Variants in SDK1 observed in about 807,000 individuals in gnomAD.
The protein encoded by SDK1 is sidekick cell adhesion molecule 1.
Under a neutral mutation model 245.5 loss-of-function variants are expected in SDK1, and 157 were observed. That is an observed-to-expected ratio of 0.64 (90% CI 0.56 to 0.73). The LOEUF is 0.73. SDK1 is among the 30% of genes least tolerant of loss of function. SDK1 has a pLI of 0.00. For synonymous variants in SDK1, 1,647 were observed against 1,278.5 expected, an observed-to-expected ratio of 1.29 and a Z score of -6.15; for missense variants, 3,583 against 3,002.3, an observed-to-expected ratio of 1.19 and a Z score of -4.52.
chr7:4,178,359 T>G (rs1782374160), intron 34 of SDK1, 126 bp from the exon 35 acceptor site: 1 of 732,778 alleles, frequency 1.4e-6, no homozygotes, highest in East Asian at 2.5e-5. Flanking sequence ...TTTCACAGAT[T>G]TCTAACAATC....
intron 1 of SDK1, among the ~76,000 whole-genome samples, chr7:3,575,985 G>C (rs1202595356): frequency 1.3e-5 from 2 of 151,942 alleles, no homozygotes; most frequent in Non-Finnish European, 2.9e-5. Flanking sequence ...TGGGCTTTCT[G>C]CTCTTGTGAA....
intron 4 of SDK1, among the ~76,000 whole-genome samples, chr7:3,711,283 C>T (rs917664370): frequency 2.0e-5 from 3 of 152,140 alleles, no homozygotes; most frequent in Non-Finnish European, 4.4e-5. Context: ...ATTATCTTTG[C>T]TATTAAGGAT....
chr7:3,321,776 T>TC (rs1779814099), intron 1 of SDK1, among the ~76,000 whole-genome samples: 1 of 42,812 alleles, frequency 2.3e-5, no homozygotes, highest in African/African-American at 1.3e-4. Context: ...CCTTCCTTCC[T>TC]TCTCCTTCCT....
At chr7:4,198,362 C>T (rs983566249) in intron 35 of SDK1, among the ~76,000 whole-genome samples, 13 of 152,224 alleles carry the variant, frequency 8.5e-5, no homozygotes, top group African/African-American at 3.1e-4. Context: ...TTGGCTGGGA[C>T]ACCTGGGCCA....
At chr7:4,006,951 C>A (rs1194135751) in intron 14 of SDK1, among the ~76,000 whole-genome samples, 1 of 152,220 alleles carries the variant, frequency 6.6e-6, no homozygotes, top group Non-Finnish European at 1.5e-5. Flanking sequence ...GCTTGCTCTG[C>A]CTCTCCCGCA....
chr7:4,003,407 G>T (rs763630049), intron 14 of SDK1, among the ~76,000 whole-genome samples: 6 of 152,118 alleles, frequency 3.9e-5, no homozygotes, highest in Non-Finnish European at 8.8e-5. Flanking sequence ...TCCATTCATT[G>T]AGCCCACAGT....
intron 44 of SDK1, among the ~76,000 whole-genome samples, chr7:4,260,480 A>T (rs1277703840): frequency 9.0e-6 from 1 of 111,588 alleles, no homozygotes; most frequent in Non-Finnish European, 1.8e-5. Context: ...GTGTGGGAAG[A>T]TGTGTTCATC....
intron 4 of SDK1, among the ~76,000 whole-genome samples, chr7:3,653,973 A>G (rs1003146593): frequency 5.3e-5 from 8 of 152,140 alleles, no homozygotes; most frequent in African/African-American, 1.4e-4. Flanking sequence ...GATGGAGAGT[A>G]TATGCTATAT....
chr7:4,075,653 C>G (rs1417605573), intron 20 of SDK1, among the ~76,000 whole-genome samples: 1 of 149,310 alleles, frequency 6.7e-6, no homozygotes, highest in African/African-American at 2.5e-5. Context: ...GGTCTTATTT[C>G]TCCTTTTTTT....
At chr7:3,898,446 G>C (rs536491710) in intron 5 of SDK1, among the ~76,000 whole-genome samples, 1 of 152,236 alleles carries the variant, frequency 6.6e-6, no homozygotes, top group South Asian at 2.1e-4. Context: ...GTGATATACA[G>C]AAAATGATAA....
intron 20 of SDK1, among the ~76,000 whole-genome samples, chr7:4,075,043 G>A (rs546580243): frequency 4.0e-4 from 61 of 151,314 alleles, no homozygotes; most frequent in Admixed American, 2.0e-3. Context: ...CTGAGAAGCA[G>A]CCAGGCGCCT....
At chr7:3,607,959 A>G (rs945091443) in intron 1 of SDK1, among the ~76,000 whole-genome samples, 2 of 152,240 alleles carry the variant, frequency 1.3e-5, no homozygotes, top group Non-Finnish European at 2.9e-5. Context: ...GGGGGCGGCC[A>G]CAAGGCCAAA....
chr7:3,664,254 G>A (rs747655109), intron 4 of SDK1, among the ~76,000 whole-genome samples: 3 of 151,920 alleles, frequency 2.0e-5, no homozygotes, highest in Non-Finnish European at 4.4e-5. Context: ...TCACTGGGAG[G>A]GTCTTGACCA....
At chr7:4,102,619 G>T (rs1466344763) in intron 22 of SDK1, among the ~76,000 whole-genome samples, 1 of 152,134 alleles carries the variant, frequency 6.6e-6, no homozygotes, top group Non-Finnish European at 1.5e-5. Flanking sequence ...CTGGCCTCCG[G>T]AGTGCTGAGC....
chr7:4,099,638 T>A (rs1195986337), intron 22 of SDK1, among the ~76,000 whole-genome samples: 1 of 137,024 alleles, frequency 7.3e-6, no homozygotes, highest in Non-Finnish European at 1.6e-5. Flanking sequence ...CTCTGGGAAC[T>A]GGCTCACCCT....
chr7:3,906,290 T>C (rs1778922465), intron 5 of SDK1, among the ~76,000 whole-genome samples: 3 of 152,358 alleles, frequency 2.0e-5, no homozygotes, highest in South Asian at 2.1e-4. Context: ...TTTTAACTTA[T>C]TTTGTAGTGT....
chr7:3,593,748 C>T (rs956089260), intron 1 of SDK1, among the ~76,000 whole-genome samples: 1 of 152,278 alleles, frequency 6.6e-6, no homozygotes, highest in East Asian at 1.9e-4. Flanking sequence ...GCTGTGTATA[C>T]GCAAGAGGGC....
intron 1 of SDK1, among the ~76,000 whole-genome samples, chr7:3,467,887 A>C (rs1023576751): frequency 1.3e-5 from 2 of 152,150 alleles, no homozygotes; most frequent in African/African-American, 4.8e-5. Flanking sequence ...CTGAAAATGC[A>C]TCACAAGTTT....
At chr7:3,655,494 T>TGCATGC (rs1368456732) in intron 4 of SDK1, among the ~76,000 whole-genome samples, 2 of 72,440 alleles carry the variant, frequency 2.8e-5, no homozygotes, top group African/African-American at 7.3e-5. Context: ...TATATATATA[T>TGCATGC]ATATATATAT....
Sources: allele counts gnomAD v4.1 joint callset (sites outside exome capture counted in the v4.1 genomes callset), GRCh38; gene constraint gnomAD v4.1.1; transcripts MANE v1.5; gene names NCBI Gene and HGNC (gene_info 2026-07-23, HGNC 2026-07-21).